GET1: variants seen among roughly 807,000 people sequenced by gnomAD.
GET1 encodes the protein congenital heart disease 5 protein.
A neutral mutation model predicts 22.6 loss-of-function variants in GET1; 20 were observed. That is an observed-to-expected ratio of 0.89 (90% confidence interval 0.62 to 1.29). The LOEUF (loss-of-function observed/expected upper bound fraction) is 1.29, where lower values mean the gene tolerates loss of function less well. Ranked by LOEUF, GET1 falls within the 50% of genes most tolerant of loss-of-function variation. The pLI, the probability that GET1 is intolerant of heterozygous loss-of-function variation, is 0.00. For missense variants in GET1, 209 were observed against 219.9 expected, an observed-to-expected ratio of 0.95 and a Z score of 0.31; for synonymous variants, 92 against 83.8, an observed-to-expected ratio of 1.10 and a Z score of -0.53.
At chr21:39,406,656 G>T (rs1470843711), downstream of GET1, 2 of 1,434,958 alleles carry the variant, frequency 1.4e-6, no homozygotes, top group Non-Finnish European at 1.9e-6. Flanking sequence ...TAAAATGAAT[G>T]GATCTCTATT....
chr21:39,409,685 T>G (rs1000377015), downstream of GET1, among the ~76,000 whole-genome samples: 2 of 152,164 alleles, frequency 1.3e-5, no homozygotes, highest in Non-Finnish European at 2.9e-5. The surrounding 1 kb of genome is among the most constrained non-coding windows in gnomAD (Gnocchi z 4.2). Context: ...CTCTGCCTCC[T>G]GGGTCCAAGC....
Position 39,390,611 on chromosome 21 carries a change from G to A in GET1, c.103-87G>A, listed in dbSNP as rs184642473. On this transcript the variant is annotated intron_variant, in intron 1 of 4. Transcript: ENST00000649170. Reference sequence around the variant, plus strand: ...AACTGGCTGGGTCACAGAGTGGTCAGGGCATAGACAGAAAGTAGCGGGGGA... The same window carrying A: ...AACTGGCTGGGTCACAGAGTGGTCAAGGCATAGACAGAAAGTAGCGGGGGA... 745 of 1,534,078 alleles carry A rather than the reference G, an allele frequency of 4.9e-4. 3 individuals carry two copies. In the African/African-American group the frequency reaches 8.9e-3, roughly 18 times the overall value.
chr21:39,416,700 G>A (rs1482901832), intron 1 of GET1, among the ~76,000 whole-genome samples: 1 of 151,660 alleles, frequency 6.6e-6, no homozygotes, highest in Non-Finnish European at 1.5e-5. Flanking sequence ...AGTTCTCAAT[G>A]ACAACACCAT....
intron 1 of GET1, chr21:39,422,899 G>A: frequency 7.7e-7 from 1 of 1,293,632 alleles, no homozygotes; most frequent in African/African-American, 1.5e-5. Flanking sequence ...TACAGAGGGG[G>A]CGCATCCATG....
chr21:39,418,118 A>G (rs1371329737), intron 1 of GET1, among the ~76,000 whole-genome samples: 1 of 152,090 alleles, frequency 6.6e-6, no homozygotes, highest in East Asian at 1.9e-4. Flanking sequence ...ATTCACTATC[A>G]CAAGAACAGC....
At chr21:39,403,127 A>G (rs2038879744) in intron 4 of GET1, among the ~76,000 whole-genome samples, 2 of 152,160 alleles carry the variant, frequency 1.3e-5, no homozygotes, top group African/African-American at 4.8e-5. Flanking sequence ...GAGTCCTTTT[A>G]ATACATTTCT....
At position 39,387,729 on chromosome 21, in the gene GET1, T is replaced by C. The variant is rs973815889; in HGVS notation, c.103-2969T>C. 11 of 939,664 alleles carry C rather than the reference T, an allele frequency of 1.2e-5. No homozygotes were observed. In the African/African-American group the frequency reaches 1.5e-4, roughly 13 times the overall value. The allele number at this position is 939,664 out of a possible 1,614,324, so 58.2% of individuals were successfully genotyped here. A position where few individuals can be genotyped will look rare whatever the true frequency, so the allele number is the denominator to read the frequency against. On this transcript the variant is annotated intron_variant, in intron 1 of 4. Coordinates refer to ENST00000649170, the MANE Select transcript of GET1 (RefSeq NM_004627.6). ...TTTTGCCTCATCACGCAGGCGCTGG[T>C]AGGCGGCATCACTGGGCGGGTCAGA... is the stretch of plus-strand genomic sequence containing the variant.
At chr21:39,411,900 A>G (rs2040146716) in intron 1 of GET1, 1 of 647,660 alleles carries the variant, frequency 1.5e-6, no homozygotes, top group Non-Finnish European at 2.7e-6. Context: ...TATCCTATGA[A>G]TAAAATCTGT....
chr21:39,422,611 A>G (rs147374819), intron 1 of GET1: 16 of 342,728 alleles, frequency 4.7e-5, no homozygotes, highest in African/African-American at 3.2e-4. Flanking sequence ...TTTAAGGTAG[A>G]GGGTTGACTT....
chr21:39,396,634 C>G (rs1032488087), intron 4 of GET1, among the ~76,000 whole-genome samples: 1 of 148,318 alleles, frequency 6.7e-6, no homozygotes, highest in African/African-American at 2.5e-5. Flanking sequence ...TGCAGTGAGC[C>G]GAGATCGCAC....
intron 1 of GET1, among the ~76,000 whole-genome samples, chr21:39,383,108 CACAA>C (rs1217713723): frequency 1.3e-5 from 2 of 150,714 alleles, no homozygotes; most frequent in Non-Finnish European, 3.0e-5. Flanking sequence ...CCACCACCAC[CACAA>C]CCGGCTAATT....
downstream of GET1, among the ~76,000 whole-genome samples, chr21:39,409,036 C>T (rs951416595): frequency 2.6e-5 from 4 of 152,084 alleles, no homozygotes; most frequent in Non-Finnish European, 5.9e-5. This position sits in a 1 kb window ranked among gnomAD's most constrained non-coding sequence, Gnocchi z 4.2. Flanking sequence ...AGCCGTAACC[C>T]CCAGTATGGC....
chr21:39,391,684 A>G, intron 2 of GET1, 85 bp from the exon 3 acceptor site: 1 of 1,289,724 alleles, frequency 7.8e-7, no homozygotes, highest in East Asian at 2.4e-5. Context: ...AGTGTATTAT[A>G]AGGGAAAATA....
chr21:39,405,857 G>C, intron 4 of GET1: 1 of 1,484,152 alleles, frequency 6.7e-7, no homozygotes, highest in South Asian at 1.3e-5. Context: ...TATCAAACCA[G>C]AATGCATTAG....
intron 3 of GET1, 98 bp downstream of exon 3, chr21:39,391,934 A>T: frequency 8.5e-7 from 1 of 1,178,836 alleles, no homozygotes; most frequent in Admixed American, 1.7e-5. Flanking sequence ...GGGCTGTTCC[A>T]CCTTCAGCTG....
At chr21:39,403,810 C>T (rs141520303) in intron 4 of GET1, among the ~76,000 whole-genome samples, 6,662 of 151,688 alleles carry the variant, frequency 0.044, 455 homozygotes, top group African/African-American at 0.15. Context: ...TTAGTAGAGA[C>T]GGGGTTTCAC....
intron 1 of GET1, among the ~76,000 whole-genome samples, chr21:39,419,744 T>C (rs1008053718): frequency 1.3e-5 from 2 of 151,964 alleles, no homozygotes; most frequent in Non-Finnish European, 2.9e-5. Flanking sequence ...AATAAAAAAG[T>C]TAAAGATCCT....
chr21:39,391,622 C>G, intron 2 of GET1, 147 bp from the exon 3 acceptor site: 3 of 748,888 alleles, frequency 4.0e-6, no homozygotes, highest in Non-Finnish European at 6.3e-6. Context: ...CTTAAAAATT[C>G]TATTTTATAT....
chr21:39,398,857 G>A (rs953636798), downstream of GET1, among the ~76,000 whole-genome samples: 5 of 150,178 alleles, frequency 3.3e-5, no homozygotes, highest in East Asian at 7.8e-4. Context: ...CACCCGCCTC[G>A]GCATCCCAAA....
Sources: allele counts gnomAD v4.1 joint callset (sites outside exome capture counted in the v4.1 genomes callset), GRCh38; gene constraint gnomAD v4.1.1; non-coding constraint Gnocchi (gnomAD v3.1); transcripts MANE v1.5; gene names NCBI Gene and HGNC (gene_info 2026-07-23, HGNC 2026-07-21).